The following NASP variants were observed in gnomAD, a reference collection of about 807,000 sequenced individuals.
NASP encodes NASP histone chaperone.
Under a neutral mutation model 89.5 loss-of-function variants are expected in NASP, and 24 were observed. The observed-to-expected ratio is 0.27, with a 90% CI of 0.19 to 0.38. The LOEUF is 0.38. NASP is among the 10% of genes least tolerant of loss of function. The probability of loss-of-function intolerance (pLI) is 1.00; values close to 1 mark genes in which losing one functional copy is unlikely to be tolerated. For synonymous variants in NASP, 306 were observed against 324.7 expected (o/e 0.94, Z 0.62); for missense variants, 848 against 921.4 (o/e 0.92, Z 1.03).
chr1:45,612,378 C>T (rs1569601630), intron 6 of NASP: 1 of 152,034 alleles, frequency 6.6e-6, no homozygotes, highest in African/African-American at 2.4e-5. Flanking sequence ...ATATTATATC[C>T]AATTCATGAG....
chr1:45,584,708 T>C (rs574314290), intron 1 of NASP, among the ~76,000 whole-genome samples: 8 of 151,076 alleles, frequency 5.3e-5, no homozygotes, highest in East Asian at 2.0e-4. Flanking sequence ...GAGGGCGGGG[T>C]TTTGCGCGCG....
At chr1:45,606,881 A>G (rs191906921) in intron 5 of NASP, among the ~76,000 whole-genome samples, 2 of 152,308 alleles carry the variant, frequency 1.3e-5, no homozygotes. Flanking sequence ...TACTATTACA[A>G]CCTTAAGTGT....
intron 10 of NASP, 37 bp downstream of exon 10, chr1:45,615,238 T>C: frequency 1.2e-6 from 2 of 1,611,892 alleles, no homozygotes; most frequent in Non-Finnish European, 1.7e-6. Flanking sequence ...TGATGTTGGA[T>C]CCAGCAATTA....
At chr1:45,616,021 C>T (rs1005121867) in intron 11 of NASP, among the ~76,000 whole-genome samples, 2 of 152,210 alleles carry the variant, frequency 1.3e-5, no homozygotes, top group Non-Finnish European at 2.9e-5. Context: ...TCTCCAAGAA[C>T]TCATTTGCAT....
At position 45,618,634 on chromosome 1, in the gene NASP, A is replaced by G. The variant is rs1183868083; in HGVS notation, c.*493A>G. 1 of 154,634 alleles carries G rather than the reference A, an allele frequency of 6.5e-6. No homozygotes were observed. The highest frequency in any genetic ancestry group is 2.4e-5 in the African/African-American group (1 of 41,464). The allele number at this position is 154,634 out of a possible 1,614,324, so 9.6% of individuals were successfully genotyped here. ...ATCCACCTAGTCTTCACCTGGGGCT[A>G]TAATTCTGTCCTGGAAAAAGAACTC... On this transcript the variant is annotated 3_prime_UTR_variant, in exon 15 of 15. Transcript: ENST00000350030.
chr1:45,615,065 A>G lies in NASP; in HGVS notation c.1719A>G (p.Glu573=), dbSNP rs1644079912. The G allele has an allele frequency of 1.2e-6, 2 of 1,614,188 alleles. No homozygotes were observed. The highest frequency in any genetic ancestry group is 1.7e-6 in the Non-Finnish European group (2 of 1,180,020). The change falls in exon 10 of 15, where the codon GAA becomes GAG. Residue 573 remains glutamate, a synonymous_variant. Coordinates refer to ENST00000350030, the MANE Select transcript of NASP (RefSeq NM_002482.4). Reference sequence around the variant, plus strand: ...TCCAGTCCTGCCTTAACCTGCAGGAACAGTACCTGGAAGCCCACGACCGTC... The same window carrying G: ...TCCAGTCCTGCCTTAACCTGCAGGAGCAGTACCTGGAAGCCCACGACCGTC... ...EEFQSCLNLQ[E]QYLEAHDRLL... is the part of the protein sequence containing the mutation.
chr1:45,594,251 C>A (rs1174723578), intron 2 of NASP, among the ~76,000 whole-genome samples: 1 of 151,852 alleles, frequency 6.6e-6, no homozygotes, highest in African/African-American at 2.4e-5. Flanking sequence ...ATCACTTGAA[C>A]CCGGGAGGTG....
chr1:45,599,544 C>A (rs772129816), intron 2 of NASP, among the ~76,000 whole-genome samples: 15 of 152,264 alleles, frequency 9.9e-5, no homozygotes, highest in African/African-American at 1.9e-4. Flanking sequence ...TCTTCTGCCT[C>A]AGTCTCCCGA....
intron 2 of NASP, among the ~76,000 whole-genome samples, chr1:45,597,882 C>T (rs549941052): frequency 6.6e-6 from 1 of 152,302 alleles, no homozygotes; most frequent in Non-Finnish European, 1.5e-5. Context: ...TATCAGCCCA[C>T]TAGGTATCAT....
chr1:45,602,507 C>G (rs1643866105), intron 3 of NASP, 142 bp downstream of exon 3: 1 of 778,038 alleles, frequency 1.3e-6, no homozygotes, highest in African/African-American at 1.8e-5. Context: ...GTACCAGTAA[C>G]TATAAGTGTA....
At position 45,613,165 on chromosome 1, in the gene NASP, G is replaced by A. The variant is rs778753865; in HGVS notation, c.1427-4G>A. 6 of 1,602,464 alleles carry A rather than the reference G, an allele frequency of 3.7e-6. No homozygotes were observed. Among genetic ancestry groups the A allele is most frequent in the Non-Finnish European group, 5.1e-6 (6 of 1,175,854 alleles). On this transcript the variant is annotated splice_polypyrimidine_tract_variant and splice_region_variant and intron_variant, in intron 6 of 14. Transcript: ENST00000350030. ...TCTCAATACTGAGGAATTTTTACTTGTAGAAACTGAAGGCTCAGAAGAGGA... is the reference window on the plus strand; with the variant it reads ...TCTCAATACTGAGGAATTTTTACTTATAGAAACTGAAGGCTCAGAAGAGGA...
chr1:45,589,737 TAA>T (rs531754336), intron 1 of NASP, among the ~76,000 whole-genome samples: 1 of 151,784 alleles, frequency 6.6e-6, no homozygotes, highest in African/African-American at 2.4e-5. Flanking sequence ...CCATCTCTGG[TAA>T]AAAACAGAAA....
intron 6 of NASP, chr1:45,611,457 T>G (rs1262629280): frequency 8.6e-5 from 1 of 11,662 alleles, no homozygotes; most frequent in Admixed American, 8.1e-4. Flanking sequence ...TCGCCATTAC[T>G]TTTTTTTTTT....
intron 3 of NASP, among the ~76,000 whole-genome samples, chr1:45,603,566 G>A (rs1208429853): frequency 1.3e-5 from 2 of 151,062 alleles, no homozygotes; most frequent in Non-Finnish European, 2.9e-5. Context: ...AATGAATTGG[G>A]GCTCTGAGAG....
chr1:45,590,114 C>T (rs1291009498), intron 1 of NASP, among the ~76,000 whole-genome samples: 1 of 152,094 alleles, frequency 6.6e-6, no homozygotes, highest in Non-Finnish European at 1.5e-5. Flanking sequence ...CTGTTATAAC[C>T]GTTCCTCCAA....
At chr1:45,589,954 TC>T (rs1482018998) in intron 1 of NASP, among the ~76,000 whole-genome samples, 1 of 152,044 alleles carries the variant, frequency 6.6e-6, no homozygotes, top group Non-Finnish European at 1.5e-5. Flanking sequence ...GACATGAACA[TC>T]CATTTATAAT....
intron 2 of NASP, among the ~76,000 whole-genome samples, chr1:45,595,465 A>G (rs1181725021): frequency 6.6e-6 from 1 of 152,184 alleles, no homozygotes; most frequent in African/African-American, 2.4e-5. Context: ...ACTGTGCCAT[A>G]AATCTGTGCC....
At chr1:45,617,630 C>T in intron 14 of NASP, 39 bp downstream of exon 14, 1 of 1,536,456 alleles carries the variant, frequency 6.5e-7, no homozygotes, top group Admixed American at 2.2e-5. Flanking sequence ...TGCCTCATTC[C>T]TTGTTCTCAG....
chr1:45,585,745 C>T (rs1272751070), intron 1 of NASP, among the ~76,000 whole-genome samples: 1 of 152,136 alleles, frequency 6.6e-6, no homozygotes, highest in African/African-American at 2.4e-5. Flanking sequence ...TCACTGCAAC[C>T]TCGAACTCCT....
Sources: gnomAD v4.1 joint callset for allele counts (sites outside exome capture counted in the v4.1 genomes callset) on GRCh38, gnomAD v4.1.1 for gene constraint, MANE v1.5 for transcripts, NCBI Gene and HGNC (gene_info 2026-07-23, HGNC 2026-07-21) for gene names.